Variants in KCNN4 observed in about 807,000 individuals in gnomAD.
KCNN4 encodes potassium calcium-activated channel subfamily N member 4.
In KCNN4, 31 loss-of-function variants were observed where a neutral mutation model predicts 45.2. The ratio of observed to expected loss-of-function variants is 0.69; its 90% CI spans 0.52 to 0.92. KCNN4 has a LOEUF of 0.92. Among genes scored for constraint, KCNN4 ranks in the 40% least tolerant of loss-of-function variants. KCNN4 has a pLI of 0.00. For synonymous variants in KCNN4, 231 were observed against 254.6 expected, an observed-to-expected ratio of 0.91 and a Z score of 0.88; for missense variants, 463 against 574.0, an observed-to-expected ratio of 0.81 and a Z score of 1.98.
chr19:43,779,894 G>C (rs1321201685), intron 1 of KCNN4, among the ~76,000 whole-genome samples: 2 of 152,122 alleles, frequency 1.3e-5, no homozygotes, highest in African/African-American at 4.8e-5. Context: ...GATTTGGGGA[G>C]AAATTGAGCT....
chr19:43,772,751 A>C lies in KCNN4; in HGVS notation c.684-616T>G, dbSNP rs1368626614. On this transcript the variant is annotated intron_variant, in intron 3 of 8. Transcript: ENST00000648319. This position sits in a 1 kb window ranked among gnomAD's most constrained non-coding sequence, Gnocchi z 4.4. ...CCGCAAGACCAGCAGGGAAAGCTTCATTCATGAGGGCCCCTGACACCCCAG... is the reference window on the plus strand; with the variant it reads ...CCGCAAGACCAGCAGGGAAAGCTTCCTTCATGAGGGCCCCTGACACCCCAG... Among the ~76,000 whole-genome samples the C allele has an allele frequency of 6.6e-6, 1 of 152,132 alleles. No homozygotes were observed. The highest frequency in any genetic ancestry group is 1.5e-5 in the Non-Finnish European group (1 of 68,012).
At chr19:43,775,534 A>T (rs1969776463) in intron 2 of KCNN4, among the ~76,000 whole-genome samples, 1 of 152,202 alleles carries the variant, frequency 6.6e-6, no homozygotes, top group East Asian at 1.9e-4. Context: ...GCTACAGGCT[A>T]CTTAGCTACT....
intron 4 of KCNN4, among the ~76,000 whole-genome samples, chr19:43,770,924 C>T (rs1969625854): frequency 6.6e-6 from 1 of 152,166 alleles, no homozygotes; most frequent in Non-Finnish European, 1.5e-5. Flanking sequence ...TGAGTCTCTG[C>T]CCCTCTTCCC....
chr19:43,780,047 C>G (rs953758535), intron 1 of KCNN4, among the ~76,000 whole-genome samples: 2 of 151,994 alleles, frequency 1.3e-5, no homozygotes, highest in Non-Finnish European at 2.9e-5. Context: ...AGAGGTTAGA[C>G]AAGGACCAAA....
chr19:43,776,492 C>A, intron 2 of KCNN4, 49 bp downstream of exon 2: 1 of 1,256,138 alleles, frequency 8.0e-7, no homozygotes, highest in Non-Finnish European at 1.2e-6. Flanking sequence ...GCTGACAGGG[C>A]GCTGAGGGGG....
chr19:43,776,127 CAAAAAAAAAAAA>C (rs59704354), intron 2 of KCNN4, among the ~76,000 whole-genome samples: 3 of 40,966 alleles, frequency 7.3e-5, no homozygotes, highest in Admixed American at 4.3e-4. Context: ...GACCTTGTCT[CAAAAAAAAAAAA>C]AAAAAAAAAA....
Position 43,774,425 on chromosome 19 carries a change from C to G in KCNN4, c.450G>C (p.Ala150=). The change falls in exon 3 of 9, where the codon GCG becomes GCC. Residue 150 remains alanine, a synonymous_variant. Transcript: ENST00000648319. This position sits in a 1 kb window ranked among gnomAD's most constrained non-coding sequence, Gnocchi z 5.6. Reference sequence around the variant, plus strand: ...GCAGCAGCATGGCCAGGGACAGCAGCGCTTCCCCTTGGCCCAGGAATCCCG... The same window carrying G: ...GCAGCAGCATGGCCAGGGACAGCAGGGCTTCCCCTTGGCCCAGGAATCCCG... ...PWPGFLGQGE[A]LLSLAMLLRL... is the part of the protein sequence containing the mutation. 1 of 1,596,854 alleles carries G rather than the reference C, an allele frequency of 6.3e-7. No individual in the cohort carries two copies. Among genetic ancestry groups the G allele is most frequent in the South Asian group, 1.1e-5 (1 of 89,110 alleles).
intron 8 of KCNN4, 66 bp from the exon 9 acceptor site, chr19:43,767,155 C>T (rs1254482486): frequency 1.3e-5 from 3 of 229,030 alleles, no homozygotes; most frequent in South Asian, 6.4e-5. Flanking sequence ...TGGGACACAC[C>T]GAGGTGCAGA....
intron 3 of KCNN4, among the ~76,000 whole-genome samples, chr19:43,773,466 G>C (rs1969699553): frequency 6.6e-6 from 1 of 152,174 alleles, no homozygotes; most frequent in Non-Finnish European, 1.5e-5. Context: ...CCTTGGTTGG[G>C]CCATAGAATC....
At position 43,772,741 on chromosome 19, in the gene KCNN4, G is replaced by A. The variant is rs1254910893; in HGVS notation, c.684-606C>T. ...AGGCCCCTTGCCGCAAGACCAGCAG[G>A]GAAAGCTTCATTCATGAGGGCCCCT... On this transcript the variant is annotated intron_variant, in intron 3 of 8. Coordinates refer to ENST00000648319, the MANE Select transcript of KCNN4 (RefSeq NM_002250.3). This position sits in a 1 kb window ranked among gnomAD's most constrained non-coding sequence, Gnocchi z 4.4. 6.6e-6 allele frequency among the ~76,000 whole-genome samples: 1 copy of A among 152,124 alleles called. No homozygotes were observed. Among genetic ancestry groups the A allele is most frequent in the African/African-American group, 2.4e-5 (1 of 41,416 alleles).
Position 43,774,131 on chromosome 19 carries a change from G to A in KCNN4, c.683+61C>T, listed in dbSNP as rs900929954. The A allele has an allele frequency of 2.0e-6, 3 of 1,508,588 alleles. No individual in the cohort carries two copies. Among genetic ancestry groups the A allele is most frequent in the African/African-American group, 2.7e-5 (2 of 72,764 alleles). 93.5% of individuals were successfully genotyped at this position (1,508,588 alleles called of 1,614,324 possible). A position where few individuals can be genotyped will look rare whatever the true frequency, so the allele number is the denominator to read the frequency against. On this transcript the variant is annotated intron_variant, in intron 3 of 8. Transcript: ENST00000648319. This position sits in a 1 kb window ranked among gnomAD's most constrained non-coding sequence, Gnocchi z 5.6. ...GGGCCTCAACCTGCACCGCGGCACA[G>A]GACGGCCGCCGTGGCTGTCCGGGGT...
intron 1 of KCNN4, among the ~76,000 whole-genome samples, chr19:43,777,603 T>A (rs1969850939): frequency 1.3e-5 from 2 of 151,448 alleles, no homozygotes; most frequent in African/African-American, 4.8e-5. Context: ...ACCCCTCTCT[T>A]CTGGCTCTAA....
intron 4 of KCNN4, among the ~76,000 whole-genome samples, chr19:43,770,165 G>A (rs1272366604): frequency 6.6e-6 from 1 of 152,032 alleles, no homozygotes; most frequent in Non-Finnish European, 1.5e-5. Flanking sequence ...ACTGTGGAGG[G>A]CGACCATCCT....
chr19:43,778,975 C>T (rs916093306), intron 1 of KCNN4, among the ~76,000 whole-genome samples: 3 of 152,136 alleles, frequency 2.0e-5, no homozygotes, highest in African/African-American at 7.2e-5. Context: ...AGGAGGATTG[C>T]CTGAGTCCAG....
In KCNN4 at chr19:43,772,198, C is replaced by T. The variant is rs1213721008; in HGVS notation, c.684-63G>A. 8 of 1,583,736 alleles carry T rather than the reference C, an allele frequency of 5.1e-6. No individual in the cohort carries two copies. In the East Asian group the frequency reaches 1.8e-4, roughly 36 times the overall value. On this transcript the variant is annotated intron_variant, in intron 3 of 8. Coordinates refer to ENST00000648319, the MANE Select transcript of KCNN4 (RefSeq NM_002250.3). The surrounding 1 kb of genome is among the most constrained non-coding windows in gnomAD (Gnocchi z 4.4). ...TAGAGGTTTCCATGATATTCACTCC[C>T]CTTCCCTCTATACCCTCCCATCCCC...
In KCNN4 at chr19:43,774,590, G is replaced by A; in HGVS notation, c.285C>T (p.Asp95=). The A allele has an allele frequency of 6.6e-7, 1 of 1,520,240 alleles. No individual in the cohort carries two copies. The highest frequency in any genetic ancestry group is 1.3e-5 in the South Asian group (1 of 78,050). The allele number at this position is 1,520,240 out of a possible 1,614,324, so 94.2% of individuals were successfully genotyped here. Residue 95 remains aspartate (D), a synonymous_variant, in exon 3 of 9, where the codon GAC becomes GAT. Coordinates refer to ENST00000648319, the MANE Select transcript of KCNN4 (RefSeq NM_002250.3). This position sits in a 1 kb window ranked among gnomAD's most constrained non-coding sequence, Gnocchi z 5.6. ...GCCGCCCGGTCAGCGCCACGCGCCA[G>A]TCCCGCAGCCCGTTGTCGGTCATGA... The part of the protein sequence containing the change: ...QLFMTDNGLR[D]WRVALTGRQA...
In KCNN4 at chr19:43,770,728, G is replaced by A. The variant is rs561836931; in HGVS notation, c.820-899C>T. ...ATGAATTACCCCTGGCAAGTGTGTA[G>A]GGCAGAGACTGGCACAGAGTATGTG... is the stretch of plus-strand genomic sequence containing the variant. On this transcript the variant is annotated intron_variant, in intron 4 of 8. Coordinates refer to ENST00000648319, the MANE Select transcript of KCNN4 (RefSeq NM_002250.3). Among the ~76,000 whole-genome samples the A allele has an allele frequency of 7.2e-5, 11 of 152,330 alleles. No homozygotes were observed. The East Asian group carries it at 2.1e-3, about 29-fold the overall frequency.
rs759726569 is a variant in KCNN4 at position 43,774,403 on chromosome 19, G to A, written c.472C>T (p.Leu158=). 1.9e-6 allele frequency: 3 copies of A among 1,600,178 alleles called. No individual in the cohort carries two copies. The highest frequency in any genetic ancestry group is 2.7e-5 in the African/African-American group (2 of 74,592). The change falls in exon 3 of 9, where the codon CTG becomes TTG. Residue 158 remains leucine, a synonymous_variant. Transcript: ENST00000648319. The surrounding 1 kb of genome is among the most constrained non-coding windows in gnomAD (Gnocchi z 5.6). ...GCGCGGGGCACCAGGTAGAGACGCA[G>A]CAGCATGGCCAGGGACAGCAGCGCT... ...GEALLSLAML[L]RLYLVPRAVL... is the part of the protein sequence containing the mutation.
At chr19:43,770,693 G>A (rs763103055) in intron 4 of KCNN4, among the ~76,000 whole-genome samples, 9 of 152,184 alleles carry the variant, frequency 5.9e-5, no homozygotes, top group Non-Finnish European at 8.8e-5. Flanking sequence ...AGGGTTACTA[G>A]GTGGATTTCA....
Sources: gnomAD v4.1 joint callset for allele counts (sites outside exome capture counted in the v4.1 genomes callset) on GRCh38, gnomAD v4.1.1 for gene constraint, Gnocchi (gnomAD v3.1) non-coding constraint, MANE v1.5 for transcripts, NCBI Gene and HGNC (gene_info 2026-07-23, HGNC 2026-07-21) for gene names.